The following CSMD3 variants were observed in gnomAD, a reference collection of about 807,000 sequenced individuals.
CSMD3 encodes CUB and Sushi multiple domains 3.
CSMD3 carries 177 observed loss-of-function variants against 435.2 expected under a neutral mutation model. That is an observed-to-expected ratio of 0.41 (90% CI 0.36 to 0.46). The LOEUF (loss-of-function observed/expected upper bound fraction) is 0.46, where lower values mean the gene tolerates loss of function less well. Among genes scored for constraint, CSMD3 ranks in the 20% least tolerant of loss-of-function variants. The pLI, the probability that CSMD3 is intolerant of heterozygous loss-of-function variation, is 0.34. For synonymous variants in CSMD3, 1,656 were observed against 1,520.5 expected (o/e 1.09, Z -2.07); for missense variants, 4,265 against 4,504.6 (o/e 0.95, Z 1.52).
At chr8:112,645,719 C>A (rs912934754) in intron 19 of CSMD3, among the ~76,000 whole-genome samples, 4 of 151,904 alleles carry the variant, frequency 2.6e-5, no homozygotes, top group Non-Finnish European at 4.4e-5. Context: ...TGAACAAAAA[C>A]GAGTTTTGTA....
chr8:112,645,945 T>C (rs1444214941), intron 19 of CSMD3, among the ~76,000 whole-genome samples: 1 of 152,172 alleles, frequency 6.6e-6, no homozygotes, highest in Admixed American at 6.5e-5. Context: ...TTTATTCTAG[T>C]GTGAGCAGAG....
chr8:113,022,869 T>A (rs1342166640), intron 5 of CSMD3, among the ~76,000 whole-genome samples: 1 of 151,252 alleles, frequency 6.6e-6, no homozygotes, highest in Non-Finnish European at 1.5e-5. Context: ...TAACTTATAA[T>A]TAATCTTTGC....
chr8:112,591,692 G>A (rs553113532), intron 22 of CSMD3, among the ~76,000 whole-genome samples: 12 of 152,108 alleles, frequency 7.9e-5, no homozygotes, highest in Non-Finnish European at 1.5e-4. Flanking sequence ...ATAAGGAGTA[G>A]CATTAAGCAG....
chr8:113,049,217 T>A (rs569387901), intron 5 of CSMD3, among the ~76,000 whole-genome samples: 4 of 152,158 alleles, frequency 2.6e-5, no homozygotes, highest in African/African-American at 7.2e-5. Context: ...CCAGCCTAGG[T>A]GACAGAGCGA....
chr8:112,838,826 C>A (rs566088343), intron 11 of CSMD3, among the ~76,000 whole-genome samples: 1 of 151,582 alleles, frequency 6.6e-6, no homozygotes, highest in South Asian at 2.1e-4. Context: ...TAATAATCAT[C>A]CTAAATTAGC....
chr8:112,682,046 A>G (rs2075909231), intron 16 of CSMD3, among the ~76,000 whole-genome samples: 1 of 152,146 alleles, frequency 6.6e-6, no homozygotes, highest in African/African-American at 2.4e-5. Flanking sequence ...ATTTATTATA[A>G]TTGATCATTA....
chr8:113,424,450 C>CTTGCTT (rs1410340388), intron 1 of CSMD3, among the ~76,000 whole-genome samples: 1 of 151,516 alleles, frequency 6.6e-6, no homozygotes, highest in African/African-American at 2.4e-5. Context: ...AGCTAATTTT[C>CTTGCTT]TTGCTTTTTT....
At chr8:112,274,953 T>C (rs1817890021) in intron 59 of CSMD3, among the ~76,000 whole-genome samples, 1 of 152,160 alleles carries the variant, frequency 6.6e-6, no homozygotes, top group Non-Finnish European at 1.5e-5. Context: ...GTTTGTAACA[T>C]TGACTAAGTA....
chr8:113,053,715 T>G (rs2088196019), intron 5 of CSMD3, among the ~76,000 whole-genome samples: 1 of 152,186 alleles, frequency 6.6e-6, no homozygotes, highest in Non-Finnish European at 1.5e-5. Flanking sequence ...CTATACATAT[T>G]GTAGAACTTT....
At chr8:112,437,709 A>G (rs1356942634) in intron 32 of CSMD3, among the ~76,000 whole-genome samples, 1 of 152,112 alleles carries the variant, frequency 6.6e-6, no homozygotes, top group East Asian at 1.9e-4. Flanking sequence ...TTGAAAAACA[A>G]TAGTACAATT....
At chr8:112,672,213 T>C (rs1262787015) in intron 16 of CSMD3, among the ~76,000 whole-genome samples, 1 of 151,960 alleles carries the variant, frequency 6.6e-6, no homozygotes, top group Non-Finnish European at 1.5e-5. Context: ...AAAAAATGAA[T>C]ACAAGCAAAA....
At chr8:112,276,948 G>T (rs1346146357) in intron 59 of CSMD3, among the ~76,000 whole-genome samples, 3 of 151,950 alleles carry the variant, frequency 2.0e-5, no homozygotes, top group Non-Finnish European at 4.4e-5. Flanking sequence ...CAGCAGGAAG[G>T]CCCTGGGTTT....
At chr8:113,316,974 T>C (rs772796843) in intron 1 of CSMD3, among the ~76,000 whole-genome samples, 59 of 152,172 alleles carry the variant, frequency 3.9e-4, no homozygotes, top group Admixed American at 9.2e-4. Context: ...TCTTTTCCTA[T>C]ATCTCACCAT....
intron 32 of CSMD3, among the ~76,000 whole-genome samples, chr8:112,459,897 T>A (rs1025212528): frequency 1.3e-5 from 2 of 152,152 alleles, no homozygotes; most frequent in Non-Finnish European, 2.9e-5. Context: ...TTCCTTGTGT[T>A]GTTCTTTTTG....
intron 1 of CSMD3, among the ~76,000 whole-genome samples, chr8:113,403,787 G>C (rs2094520646): frequency 6.6e-6 from 1 of 151,358 alleles, no homozygotes; most frequent in South Asian, 2.1e-4. Flanking sequence ...TTTGTGTGTG[G>C]CTAAAATTAG....
intron 1 of CSMD3, among the ~76,000 whole-genome samples, chr8:113,362,281 A>G (rs886253091): frequency 6.6e-6 from 1 of 152,200 alleles, no homozygotes; most frequent in African/African-American, 2.4e-5. Context: ...AAAAGAAGAA[A>G]AATACAATAT....
chr8:112,548,226 C>T (rs541683473), intron 27 of CSMD3, among the ~76,000 whole-genome samples: 12 of 152,210 alleles, frequency 7.9e-5, no homozygotes, highest in South Asian at 6.2e-4. Flanking sequence ...GTATGTACTC[C>T]GGCTTTCCTC....
chr8:113,088,866 A>T (rs1341695492), intron 5 of CSMD3, among the ~76,000 whole-genome samples: 1 of 152,040 alleles, frequency 6.6e-6, no homozygotes, highest in Non-Finnish European at 1.5e-5. Context: ...ATAATAATAA[A>T]AAAATAAAAT....
chr8:113,124,186 G>A (rs2091061478), intron 4 of CSMD3, among the ~76,000 whole-genome samples: 1 of 151,908 alleles, frequency 6.6e-6, no homozygotes, highest in Non-Finnish European at 1.5e-5. Flanking sequence ...AAGAATAATA[G>A]AAACAGTAAA....
Sources: allele counts gnomAD v4.1 joint callset (sites outside exome capture counted in the v4.1 genomes callset), GRCh38; gene constraint gnomAD v4.1.1; transcripts MANE v1.5; gene names NCBI Gene and HGNC (gene_info 2026-07-23, HGNC 2026-07-21).